STARD13: variants seen among roughly 807,000 people sequenced by gnomAD.
STARD13 encodes the protein stAR-related lipid transfer protein 13.
A neutral mutation model predicts 106.4 loss-of-function variants in STARD13; 62 were observed. That is an observed-to-expected ratio of 0.58 (90% CI 0.48 to 0.72). STARD13 has a LOEUF of 0.72. STARD13 is among the 30% of genes least tolerant of loss of function. STARD13 has a pLI of 0.00. For synonymous variants in STARD13, 565 were observed against 553.0 expected, an observed-to-expected ratio of 1.02 and a Z score of -0.31; for missense variants, 1,387 against 1,424.0, an observed-to-expected ratio of 0.97 and a Z score of 0.42.
At chr13:33,327,396 G>A (rs2077788430) in intron 1 of STARD13, among the ~76,000 whole-genome samples, 1 of 152,060 alleles carries the variant, frequency 6.6e-6, no homozygotes, top group African/African-American at 2.4e-5. Context: ...TTTAGAGACA[G>A]GGACTCACTG....
the STARD13 span, among the ~76,000 whole-genome samples, chr13:33,675,514 C>T: frequency 6.6e-6 from 1 of 152,082 alleles, no homozygotes; most frequent in Admixed American, 6.5e-5. Flanking sequence ...GGAATATGCC[C>T]TGGGGACTTA....
intron 1 of STARD13, among the ~76,000 whole-genome samples, chr13:33,233,273 C>T (rs1889017369): frequency 6.6e-6 from 1 of 152,202 alleles, no homozygotes; most frequent in Non-Finnish European, 1.5e-5. Context: ...TTACATATAC[C>T]TACCCTTTCC....
chr13:33,317,805 T>G (rs1355498958), intron 1 of STARD13, among the ~76,000 whole-genome samples: 1 of 152,208 alleles, frequency 6.6e-6, no homozygotes, highest in Non-Finnish European at 1.5e-5. Context: ...TCAATTTATT[T>G]TAGCTTTTTT....
chr13:33,347,129 G>A (rs370677925), downstream of STARD13, among the ~76,000 whole-genome samples: 4 of 152,300 alleles, frequency 2.6e-5, no homozygotes, highest in East Asian at 1.9e-4. Context: ...CTCTTGGGGC[G>A]TATTCATATA....
intron 1 of STARD13, among the ~76,000 whole-genome samples, chr13:33,220,642 A>C (rs998578319): frequency 2.0e-5 from 3 of 152,326 alleles, no homozygotes; most frequent in Middle Eastern, 3.4e-3. Flanking sequence ...CAGTGAGCCA[A>C]GATTGTGCCA....
chr13:33,506,081 G>A, the STARD13 span, among the ~76,000 whole-genome samples: 313 of 152,180 alleles, frequency 2.1e-3, no homozygotes, highest in Middle Eastern at 0.01. Flanking sequence ...TGCACTTGTC[G>A]GGGAAAAATA....
rs553868572 is a variant in STARD13 at position 33,202,505 on chromosome 13, C to T, written c.170-34883G>A. ...AGACATAAGAAACTACAGCGAGCAC[C>T]AGGGAGTCAAAGCAGCATGGTACCT... is the stretch of plus-strand genomic sequence containing the variant. On this transcript the variant is annotated intron_variant, in intron 1 of 13. Coordinates refer to ENST00000336934, the MANE Select transcript of STARD13 (RefSeq NM_178006.4). Among the ~76,000 whole-genome samples, 10 of 152,238 alleles carry T rather than the reference C, an allele frequency of 6.6e-5. No homozygotes were observed. The South Asian group carries it at 1.5e-3, about 22-fold the overall frequency.
the STARD13 span, among the ~76,000 whole-genome samples, chr13:33,458,887 C>G: frequency 2.1e-4 from 29 of 136,378 alleles, no homozygotes; most frequent in African/African-American, 7.8e-4. Context: ...GTGGTGCAAT[C>G]TGGGCTTACT....
chr13:33,450,508 G>C, the STARD13 span, among the ~76,000 whole-genome samples: 1 of 152,120 alleles, frequency 6.6e-6, no homozygotes, highest in East Asian at 1.9e-4. Context: ...GTTCATTAGG[G>C]ATATTAACCT....
At chr13:33,543,245 C>A in the STARD13 span, among the ~76,000 whole-genome samples, 11,614 of 152,078 alleles carry the variant, frequency 0.076, 595 homozygotes, top group East Asian at 0.28. Context: ...GCTGTAAAAG[C>A]TTTTGTTTCC....
rs549534629 is a variant in STARD13, at chr13:33,255,026, C to T, written c.169+30444G>A. Among the ~76,000 whole-genome samples, 8 of 152,214 alleles carry T rather than the reference C, an allele frequency of 5.3e-5. No homozygotes were observed. In the East Asian group the frequency reaches 5.8e-4, roughly 11 times the overall value. ...AGCTGGATAACACTCACACTATCTG[C>T]GGACAGCAGGGCTAAAAGGGCACAC... On this transcript the variant is annotated intron_variant, in intron 1 of 13. Coordinates refer to ENST00000336934, the MANE Select transcript of STARD13 (RefSeq NM_178006.4).
intron 4 of STARD13, among the ~76,000 whole-genome samples, chr13:33,135,431 T>C (rs757691275): frequency 8.5e-5 from 13 of 152,212 alleles, no homozygotes; most frequent in Non-Finnish European, 1.3e-4. Context: ...GGTACTGGTG[T>C]GTGGTCAATC....
At chr13:33,147,308 G>T (rs1177766482) in intron 3 of STARD13, among the ~76,000 whole-genome samples, 1 of 152,160 alleles carries the variant, frequency 6.6e-6, no homozygotes, top group Non-Finnish European at 1.5e-5. Flanking sequence ...ACCCAGGAAA[G>T]ACCTGAGCTG....
the STARD13 span, among the ~76,000 whole-genome samples, chr13:33,456,001 A>C: frequency 6.6e-6 from 1 of 152,148 alleles, no homozygotes; most frequent in Non-Finnish European, 1.5e-5. Flanking sequence ...AACGAATAAT[A>C]TTTCATGACA....
At chr13:33,254,415 T>C (rs1159014887) in intron 1 of STARD13, among the ~76,000 whole-genome samples, 1 of 152,210 alleles carries the variant, frequency 6.6e-6, no homozygotes, top group Admixed American at 6.5e-5. Flanking sequence ...GTTTTAGGCC[T>C]CTCAATCCCT....
chr13:33,166,961 T>C (rs2087030172), intron 2 of STARD13, among the ~76,000 whole-genome samples: 1 of 143,038 alleles, frequency 7.0e-6, no homozygotes, highest in African/African-American at 2.7e-5. Context: ...ACCACTGCAC[T>C]CCAGCCTGGG....
At chr13:33,455,837 G>A in the STARD13 span, among the ~76,000 whole-genome samples, 48,555 of 151,836 alleles carry the variant, frequency 0.32, 8,184 homozygotes, top group Non-Finnish European at 0.39. Context: ...CCAGCTACTC[G>A]GGAGGCTGAG....
At chr13:33,259,896 C>A (rs1890551772) in intron 1 of STARD13, among the ~76,000 whole-genome samples, 1 of 149,236 alleles carries the variant, frequency 6.7e-6, no homozygotes, top group Non-Finnish European at 1.5e-5. Context: ...ACTCAGGAAG[C>A]TAAGGCAGGA....
chr13:33,168,397 C>T (rs746091006), intron 1 of STARD13, among the ~76,000 whole-genome samples: 2 of 152,078 alleles, frequency 1.3e-5, no homozygotes, highest in Non-Finnish European at 2.9e-5. Context: ...GGACCACCTG[C>T]CTGGGGAAGC....
Sources: allele counts gnomAD v4.1 joint callset (sites outside exome capture counted in the v4.1 genomes callset), GRCh38; gene constraint gnomAD v4.1.1; transcripts MANE v1.5; gene names NCBI Gene and HGNC (gene_info 2026-07-23, HGNC 2026-07-21).